TRRAP: variants seen among roughly 807,000 people sequenced by gnomAD.
TRRAP encodes transformation/transcription domain associated protein.
A neutral mutation model predicts 438.8 loss-of-function variants in TRRAP; 41 were observed. That is an observed-to-expected ratio of 0.09 (90% confidence interval 0.07 to 0.12). The LOEUF (loss-of-function observed/expected upper bound fraction) is 0.12. TRRAP is among the 10% of genes least tolerant of loss of function. The pLI, the probability that TRRAP is intolerant of heterozygous loss-of-function variation, is 1.00. For missense variants in TRRAP, 3,122 were observed against 5,055.1 expected (o/e 0.62, Z 11.60); for synonymous variants, 1,994 against 1,962.9 (o/e 1.02, Z -0.42).
At chr7:98,923,717 G>T (rs782231723) in intron 21 of TRRAP, among the ~76,000 whole-genome samples, 12 of 152,324 alleles carry the variant, frequency 7.9e-5, no homozygotes, top group African/African-American at 2.9e-4. Context: ...TGTGCACTGC[G>T]TGTCTCTAAG....
chr7:98,966,260 C>G (rs777448023), intron 49 of TRRAP, among the ~76,000 whole-genome samples: 1 of 151,796 alleles, frequency 6.6e-6, no homozygotes, highest in Non-Finnish European at 1.5e-5. Context: ...GAGCTGAGAT[C>G]ACGCCATTGC....
At chr7:98,890,995 T>C (rs1394301919) in intron 4 of TRRAP, among the ~76,000 whole-genome samples, 2 of 150,764 alleles carry the variant, frequency 1.3e-5, no homozygotes, top group Non-Finnish European at 3.0e-5. Context: ...GGGGTCTTGC[T>C]GTGTTGCCCA....
intron 67 of TRRAP, among the ~76,000 whole-genome samples, chr7:99,002,841 C>T (rs542380475): frequency 6.6e-5 from 10 of 152,198 alleles, no homozygotes; most frequent in Non-Finnish European, 1.0e-4. Flanking sequence ...TGTTATCACG[C>T]GTGGGCAGGG....
rs753212951 is a variant in TRRAP at position 99,011,547 on chromosome 7, C to T, written c.11337+12C>T. On this transcript the variant is annotated intron_variant, in intron 72 of 72. Coordinates refer to ENST00000456197, the MANE Select transcript of TRRAP (RefSeq NM_001375524.1). The surrounding 1 kb of genome is among the most constrained non-coding windows in gnomAD (Gnocchi z 7.1). Reference sequence around the variant, plus strand: ...AGCCAAACTTTAAGGTGGGTCTCCACGTCGTCCTATCACAGGCGCAGGCTA... The same window carrying T: ...AGCCAAACTTTAAGGTGGGTCTCCATGTCGTCCTATCACAGGCGCAGGCTA... 6.8e-6 allele frequency: 11 copies of T among 1,610,696 alleles called. No individual in the cohort carries two copies. The highest frequency in any genetic ancestry group is 1.3e-5 in the African/African-American group (1 of 74,978).
intron 18 of TRRAP, among the ~76,000 whole-genome samples, chr7:98,913,414 C>G (rs1789373000): frequency 6.6e-6 from 1 of 151,888 alleles, no homozygotes; most frequent in South Asian, 2.1e-4. Flanking sequence ...TCAGCTTCGC[C>G]AGTAACTGGG....
In TRRAP at chr7:98,897,818, G is replaced by A. The variant is rs1355885069; in HGVS notation, c.585G>A (p.Thr195=). ...CAGAAATGGTTGGTATGATAACAAC[G>A]ATTGCTGTGAAAGTCAACCCGGAGC... ...PPPEMVGMIT[T]IAVKVNPERE... Residue 195 remains threonine, a synonymous_variant, in exon 8 of 73, where the codon ACG becomes ACA. Coordinates refer to ENST00000456197, the MANE Select transcript of TRRAP (RefSeq NM_001375524.1). 2.0e-5 allele frequency: 33 copies of A among 1,613,870 alleles called. No individual in the cohort carries two copies. Among genetic ancestry groups the A allele is most frequent in the Non-Finnish European group, 2.5e-5 (30 of 1,180,010 alleles).
At chr7:98,923,290 A>T (rs1554410932) in intron 21 of TRRAP, among the ~76,000 whole-genome samples, 1 of 152,218 alleles carries the variant, frequency 6.6e-6, no homozygotes, top group Non-Finnish European at 1.5e-5. Flanking sequence ...GTCTGGAAGA[A>T]ATCAGGTTTT....
chr7:98,940,305 C>T (rs781898806), intron 30 of TRRAP, among the ~76,000 whole-genome samples: 65 of 152,126 alleles, frequency 4.3e-4, no homozygotes, highest in Non-Finnish European at 8.2e-4. Context: ...TCTCCTGCCT[C>T]AGCCTCCCAA....
At chr7:98,915,683 C>G (rs1789491558) in intron 18 of TRRAP, 40 bp from the exon 19 acceptor site, 1 of 1,601,270 alleles carries the variant, frequency 6.2e-7, no homozygotes, top group Admixed American at 1.7e-5. Context: ...AGACCCTCCT[C>G]ATTTAGATGC....
At chr7:98,934,162 A>G (rs1790450167) in intron 27 of TRRAP, among the ~76,000 whole-genome samples, 1 of 152,240 alleles carries the variant, frequency 6.6e-6, no homozygotes, top group Non-Finnish European at 1.5e-5. Context: ...ATTATAAGCA[A>G]CATCTTTAGA....
At position 98,948,137 on chromosome 7, in the gene TRRAP, CTA is replaced by C; in HGVS notation, c.4549-81_4549-80del. 1 of 1,584,094 alleles carries C rather than the reference CTA, an allele frequency of 6.3e-7. No homozygotes were observed. The highest frequency in any genetic ancestry group is 8.6e-7 in the Non-Finnish European group (1 of 1,165,168). ...GCCTAGCCTTGCCAACATAGTTAGA[CTA>C]TAGTAGGGTCTGTAGTGACGTTGAC... On this transcript the variant is annotated intron_variant, in intron 33 of 72. Coordinates refer to ENST00000456197, the MANE Select transcript of TRRAP (RefSeq NM_001375524.1). This position sits in a 1 kb window ranked among gnomAD's most constrained non-coding sequence, Gnocchi z 4.9.
intron 49 of TRRAP, 31 bp downstream of exon 49, chr7:98,965,926 C>T (rs1792132754): frequency 6.2e-7 from 1 of 1,608,822 alleles, no homozygotes; most frequent in Non-Finnish European, 8.5e-7. Context: ...ATGTGATCTC[C>T]CTTTCAATAA....
chr7:98,938,203 C>T (rs1554414730), intron 30 of TRRAP, among the ~76,000 whole-genome samples: 3 of 152,068 alleles, frequency 2.0e-5, no homozygotes, highest in African/African-American at 7.2e-5. Flanking sequence ...GGCTTAGTGG[C>T]ACGTGCCTGT....
At chr7:98,912,281 C>T in intron 18 of TRRAP, 68 bp downstream of exon 18, 1 of 1,532,298 alleles carries the variant, frequency 6.5e-7, no homozygotes, top group Non-Finnish European at 8.9e-7. Flanking sequence ...GACAGGGCCT[C>T]ACGGTGGTGT....
chr7:98,944,561 GT>G (rs1790956161), intron 31 of TRRAP, among the ~76,000 whole-genome samples: 3 of 152,120 alleles, frequency 2.0e-5, no homozygotes, highest in Admixed American at 1.3e-4. Context: ...AGGCTATGGT[GT>G]TTGGGGGCTT....
At chr7:98,931,231 G>A (rs981699279) in intron 25 of TRRAP, among the ~76,000 whole-genome samples, 174 bp from the exon 26 acceptor site, 1 of 152,226 alleles carries the variant, frequency 6.6e-6, no homozygotes, top group Admixed American at 6.5e-5. Flanking sequence ...TTCTGATTAG[G>A]TGACTTAGGG....
chr7:98,951,057 A>ATGTGTGTGTGTG (rs1162734325), intron 39 of TRRAP, 53 bp downstream of exon 39: 2 of 662,146 alleles, frequency 3.0e-6, no homozygotes, highest in Non-Finnish European at 4.5e-6. Flanking sequence ...GTGGATGAAC[A>ATGTGTGTGTGTG]TCTGTGTGTG....
chr7:99,000,452 G>A (rs1212268892), intron 67 of TRRAP, among the ~76,000 whole-genome samples: 1 of 152,230 alleles, frequency 6.6e-6, no homozygotes, highest in African/African-American at 2.4e-5. Context: ...GGGCAAGCCG[G>A]AAACTGCTAC....
At chr7:98,954,545 A>G (rs1024872548) in intron 40 of TRRAP, among the ~76,000 whole-genome samples, 1 of 152,130 alleles carries the variant, frequency 6.6e-6, no homozygotes, top group South Asian at 2.1e-4. Flanking sequence ...TCTCAGACAC[A>G]AACACTCGAG....
Sources: gnomAD v4.1 joint callset for allele counts (sites outside exome capture counted in the v4.1 genomes callset) on GRCh38, gnomAD v4.1.1 for gene constraint, Gnocchi (gnomAD v3.1) non-coding constraint, MANE v1.5 for transcripts, NCBI Gene and HGNC (gene_info 2026-07-23, HGNC 2026-07-21) for gene names.